Variants in NRDC observed in about 807,000 individuals in gnomAD.
NRDC encodes nardilysin convertase.
Under a neutral mutation model 147.1 loss-of-function variants are expected in NRDC, and 54 were observed. That is an observed-to-expected ratio of 0.37 (90% confidence interval 0.29 to 0.46). NRDC has a LOEUF of 0.46. Ranked by LOEUF, NRDC falls within the 20% of genes least tolerant of loss-of-function variation. The pLI is 1.00. For synonymous variants in NRDC, 440 were observed against 482.1 expected, an observed-to-expected ratio of 0.91 and a Z score of 1.14; for missense variants, 1,082 against 1,370.6, an observed-to-expected ratio of 0.79 and a Z score of 3.33.
intron 1 of NRDC, among the ~76,000 whole-genome samples, chr1:51,849,730 GGT>G (rs765847255): frequency 4.4e-4 from 66 of 151,724 alleles, no homozygotes; most frequent in Middle Eastern, 3.4e-3. Flanking sequence ...GCAGGAGAAT[GGT>G]GTGAACCAGG....
intron 1 of NRDC, among the ~76,000 whole-genome samples, chr1:51,871,599 T>C (rs1297589404): frequency 1.3e-5 from 2 of 149,948 alleles, no homozygotes; most frequent in African/African-American, 2.5e-5. Context: ...TGTTTATAGG[T>C]TGCTCTTCTT....
At chr1:51,853,753 A>G (rs1682101132) in intron 1 of NRDC, among the ~76,000 whole-genome samples, 1 of 152,202 alleles carries the variant, frequency 6.6e-6, no homozygotes, top group Non-Finnish European at 1.5e-5. Context: ...CCCACATGCA[A>G]TACTTATATA....
In NRDC at chr1:51,789,350, C is replaced by G. The variant is rs748349545; in HGVS notation, c.3342G>C (p.Gln1114His). 6.2e-7 allele frequency: 1 copy of G among 1,614,030 alleles called. No homozygotes were observed. The highest frequency in any genetic ancestry group is 1.7e-5 in the Admixed American group (1 of 60,002). ...EDSNSSCEVMQLTYLPTSPLL... is the reference protein window; with the variant it reads ...EDSNSSCEVMHLTYLPTSPLL... ...GAGGAGAGGTTGGCAGGTAGGTCAG[C>G]TGCATCACTTCACAAGAAGAATTTG... Residue 1114 changes from glutamine to histidine, a missense_variant, in exon 31 of 31, where the codon CAG (glutamine) becomes CAC (histidine). By Grantham distance (24) the Gln-to-His change is conservative. This residue lies in a region of NRDC where 187 missense variants were observed against 193.6 expected (regional missense o/e 0.97). Transcript: ENST00000352171.
At chr1:51,873,350 G>A (rs1683170312) in intron 1 of NRDC, among the ~76,000 whole-genome samples, 1 of 152,076 alleles carries the variant, frequency 6.6e-6, no homozygotes, top group Admixed American at 6.6e-5. Context: ...CAATGCAACT[G>A]TTCCACTCAC....
chr1:51,857,323 T>G (rs1429325814), intron 1 of NRDC, among the ~76,000 whole-genome samples: 1 of 152,220 alleles, frequency 6.6e-6, no homozygotes, highest in East Asian at 1.9e-4. Flanking sequence ...GTACCTCATC[T>G]CTGTTTTCTG....
At chr1:51,833,657 G>A (rs1014973719) in intron 4 of NRDC, among the ~76,000 whole-genome samples, 17 of 152,014 alleles carry the variant, frequency 1.1e-4, no homozygotes, top group Admixed American at 9.2e-4. Flanking sequence ...CACCCAGGCT[G>A]GAGTGCAGTG....
intron 21 of NRDC, among the ~76,000 whole-genome samples, chr1:51,799,810 A>G (rs1299230106): frequency 6.6e-6 from 1 of 152,250 alleles, no homozygotes; most frequent in Non-Finnish European, 1.5e-5. Flanking sequence ...AGAGGGTTTA[A>G]GTATTAGCAT....
chr1:51,810,070 C>T lies in NRDC; in HGVS notation c.1903+211G>A, dbSNP rs1161909405. On this transcript the variant is annotated intron_variant, in intron 16 of 30. Coordinates refer to ENST00000352171, the MANE Select transcript of NRDC (RefSeq NM_001101662.2). ...AAGTCAAAACTCTGCCCCCAAAATACCAAGATAACAGAATTTTTTCACTAG... is the reference window on the plus strand; with the variant it reads ...AAGTCAAAACTCTGCCCCCAAAATATCAAGATAACAGAATTTTTTCACTAG... Among the ~76,000 whole-genome samples, 3 of 152,196 alleles carry T rather than the reference C, an allele frequency of 2.0e-5. No homozygotes were observed. The East Asian group carries it at 5.8e-4, about 29-fold the overall frequency.
intron 17 of NRDC, among the ~76,000 whole-genome samples, chr1:51,807,578 G>A (rs919790324): frequency 2.0e-5 from 3 of 151,852 alleles, no homozygotes; most frequent in South Asian, 4.1e-4. Flanking sequence ...ATTGTGGTGC[G>A]CACCTGTAAT....
chr1:51,861,427 T>C (rs1682536548), intron 1 of NRDC, among the ~76,000 whole-genome samples: 1 of 150,062 alleles, frequency 6.7e-6, no homozygotes, highest in South Asian at 2.1e-4. Context: ...CCTCCCAGGT[T>C]CAAGCAATTC....
At chr1:51,809,625 G>A (rs1679621597) in intron 16 of NRDC, among the ~76,000 whole-genome samples, 1 of 152,064 alleles carries the variant, frequency 6.6e-6, no homozygotes. Context: ...GGCCAGGCAC[G>A]GTGGCTCACA....
intron 24 of NRDC, 23 bp downstream of exon 24, chr1:51,794,449 A>G (rs1399593112): frequency 6.2e-7 from 1 of 1,609,828 alleles, no homozygotes; most frequent in South Asian, 1.1e-5. Context: ...GCCTTCCGCC[A>G]GTCTTTAGTA....
At chr1:51,795,976 G>A (rs575871779) in intron 22 of NRDC, among the ~76,000 whole-genome samples, 102 of 151,978 alleles carry the variant, frequency 6.7e-4, no homozygotes, top group African/African-American at 2.2e-3. Flanking sequence ...CACTTCCTGG[G>A]CTCAAGCAAT....
intron 1 of NRDC, among the ~76,000 whole-genome samples, chr1:51,873,494 T>TATTTATTTA (rs1434507463): frequency 6.7e-6 from 1 of 149,510 alleles, no homozygotes; most frequent in Non-Finnish European, 1.5e-5. Context: ...TTTATTTATT[T>TATTTATTTA]ATTTATTTAT....
At chr1:51,825,438 A>G in intron 5 of NRDC, 56 bp from the exon 6 acceptor site, 16 of 1,276,126 alleles carry the variant, frequency 1.3e-5, no homozygotes, top group Non-Finnish European at 1.7e-5. Context: ...CCTTTATTAT[A>G]TGGAAATTCA....
chr1:51,828,394 T>A (rs1680538817), intron 4 of NRDC, among the ~76,000 whole-genome samples: 1 of 152,202 alleles, frequency 6.6e-6, no homozygotes, highest in African/African-American at 2.4e-5. Context: ...GTTATGTATA[T>A]CCATGTTTTT....
At chr1:51,810,233 G>A in intron 16 of NRDC, 48 bp downstream of exon 16, 1 of 1,373,910 alleles carries the variant, frequency 7.3e-7, no homozygotes, top group Non-Finnish European at 1.0e-6. Flanking sequence ...AACATTTCCA[G>A]GTAAGTTAAA....
intron 1 of NRDC, among the ~76,000 whole-genome samples, chr1:51,865,651 G>T (rs113035005): frequency 1.3e-5 from 2 of 151,962 alleles, no homozygotes; most frequent in Non-Finnish European, 2.9e-5. Context: ...TGAATTCAGT[G>T]GTATTCACAA....
At chr1:51,867,525 A>T (rs1255753780) in intron 1 of NRDC, among the ~76,000 whole-genome samples, 1 of 152,204 alleles carries the variant, frequency 6.6e-6, no homozygotes, top group Non-Finnish European at 1.5e-5. Flanking sequence ...GAAGTCTGAA[A>T]ATTGAGCCCT....
Sources: gnomAD v4.1 joint callset for allele counts (sites outside exome capture counted in the v4.1 genomes callset) on GRCh38, gnomAD v4.1.1 for gene constraint, gnomAD v4.1.1 regional missense constraint, MANE v1.5 for transcripts, NCBI Gene and HGNC (gene_info 2026-07-23, HGNC 2026-07-21) for gene names.